The following GPR153 variants were observed in gnomAD, a reference collection of about 807,000 sequenced individuals.
The protein encoded by GPR153 is probable G protein-coupled receptor 153.
GPR153 carries 27 observed loss-of-function variants against 34.1 expected under a neutral mutation model. The ratio of observed to expected loss-of-function variants is 0.79; its 90% CI spans 0.58 to 1.09. The LOEUF is 1.09. Ranked by LOEUF, GPR153 falls within the 50% of genes least tolerant of loss-of-function variation. GPR153 has a pLI of 0.00. For missense variants in GPR153, 848 were observed against 860.2 expected (o/e 0.99, Z 0.18); for synonymous variants, 408 against 405.4 (o/e 1.01, Z -0.08).
In GPR153 at chr1:6,249,345, G is replaced by A. The variant is rs1260653216; in HGVS notation, c.1823C>T (p.Ala608Val). ...ATLHSDSLGS[A>V]S ...GGGGAGGCGCCGGCGGTCCTAGGAC[G>A]CGGAGCCCAGCGAGTCCGAGTGCAG... Residue 608 changes from alanine to valine, a missense_variant, in exon 6 of 6, where the codon GCG becomes GTG. Physicochemically the swap from Ala to Val is moderately conservative, Grantham distance 64 (BLOSUM62 0). Transcript: ENST00000377893. The surrounding 1 kb of genome is among the most constrained non-coding windows in gnomAD (Gnocchi z 4.3). The A allele has an allele frequency of 3.8e-6, 5 of 1,305,812 alleles. No homozygotes were observed. The highest frequency in any genetic ancestry group is 4.9e-6 in the Non-Finnish European group (5 of 1,028,984). 80.9% of individuals were successfully genotyped at this position (1,305,812 alleles called of 1,614,324 possible). A position where few individuals can be genotyped will look rare whatever the true frequency, so the allele number is the denominator to read the frequency against.
chr1:6,254,689 G>A lies in GPR153; in HGVS notation c.217C>T (p.Arg73Cys), dbSNP rs776061422. Reference protein sequence around the residue: ...TYSVVQLRRQRPDFEWNEGLC... With the variant: ...TYSVVQLRRQCPDFEWNEGLC... ...CCCTCATTCCACTCGAAGTCGGGGC[G>A]CTGCCGCCGCAGCTGCACCACGGAG... Residue 73 changes from arginine to cysteine, a missense_variant, in exon 2 of 6, where the codon CGC becomes TGC. Arg to Cys is a radical substitution (Grantham distance 180, BLOSUM62 -3). Transcript: ENST00000377893. 14 of 1,613,702 alleles carry A rather than the reference G, an allele frequency of 8.7e-6. No individual in the cohort carries two copies. Among genetic ancestry groups the A allele is most frequent in the East Asian group, 4.5e-5 (2 of 44,894 alleles).
At position 6,250,527 on chromosome 1, in the gene GPR153, G is replaced by A; in HGVS notation, c.1077C>T (p.Ala359=). 3 of 1,608,486 alleles carry A rather than the reference G, an allele frequency of 1.9e-6. No homozygotes were observed. Among genetic ancestry groups the A allele is most frequent in the Non-Finnish European group, 2.5e-6 (3 of 1,177,842 alleles). Residue 359 remains alanine, a synonymous_variant, in exon 5 of 6, where the codon GCC becomes GCT. Transcript: ENST00000377893. Reference sequence around the variant, plus strand: ...CCTCCAGGGCGGAGATCTCATACTTGGCCATCCTATCTAGGGCCACAAAAT... The same window carrying A: ...CCTCCAGGGCGGAGATCTCATACTTAGCCATCCTATCTAGGGCCACAAAAT... ...GGDFVALDRM[A]KYEISALEGG...
chr1:6,251,801 T>C lies in GPR153; in HGVS notation c.787-271A>G, dbSNP rs1372985159. ...AAGTGGGGCATGGATTACCACCTCC[T>C]CCCCGCTTTGTTTTGAGACAGTCTC... is the stretch of plus-strand genomic sequence containing the variant. On this transcript the variant is annotated intron_variant, in intron 3 of 5. Transcript: ENST00000377893. This position sits in a 1 kb window ranked among gnomAD's most constrained non-coding sequence, Gnocchi z 4.9. 6.6e-6 allele frequency among the ~76,000 whole-genome samples: 1 copy of C among 152,164 alleles called. No homozygotes were observed. The highest frequency in any genetic ancestry group is 6.5e-5 in the Admixed American group (1 of 15,282).
intron 1 of GPR153, among the ~76,000 whole-genome samples, chr1:6,255,378 T>C (rs563711257): frequency 6.6e-6 from 1 of 152,138 alleles, no homozygotes; most frequent in East Asian, 1.9e-4. Context: ...TTTGTATTTT[T>C]AGTAGAGACG....
At position 6,248,129 on chromosome 1, in the gene GPR153, A is replaced by G. The variant is rs1062750; in HGVS notation, c.*1209T>C. On this transcript the variant is annotated 3_prime_UTR_variant, in exon 6 of 6. Coordinates refer to ENST00000377893, the MANE Select transcript of GPR153 (RefSeq NM_207370.4). ...TCATCTACCCTATTTCACTAGCTCA[A>G]GGTTATAGCTGTTCCTGGTTCTCCT... 6.7e-3 allele frequency: 1,025 copies of G among 152,408 alleles called. 13 individuals carry two copies. Among genetic ancestry groups the G allele is most frequent in the Non-Finnish European group, 9.0e-3 (613 of 68,116 alleles). 9.4% of individuals were successfully genotyped at this position (152,408 alleles called of 1,614,324 possible).
intron 2 of GPR153, 63 bp from the exon 3 acceptor site, chr1:6,254,210 T>C: frequency 6.6e-7 from 1 of 1,506,858 alleles, no homozygotes; most frequent in Middle Eastern, 1.8e-4. Context: ...CCCAGGCCTC[T>C]GGGGACCTGT....
chr1:6,249,733 GCGAGTCGCGGGCTCCCCGCGGGC>G lies in GPR153; in HGVS notation c.1412_1434del (p.Gly471AlafsTer227). The G allele has an allele frequency of 9.4e-7, 1 of 1,059,734 alleles. No individual in the cohort carries two copies. Among genetic ancestry groups the G allele is most frequent in the Non-Finnish European group, 1.1e-6 (1 of 880,352 alleles). The allele number at this position is 1,059,734 out of a possible 1,614,324, so 65.6% of individuals were successfully genotyped here. On this transcript the variant is annotated frameshift_variant, in exon 6 of 6. Coordinates refer to ENST00000377893, the MANE Select transcript of GPR153 (RefSeq NM_207370.4). LOFTEE classifies it low-confidence loss of function (END_TRUNC). The surrounding 1 kb of genome is among the most constrained non-coding windows in gnomAD (Gnocchi z 4.3). ...GGGCGGCGGCGCGGGCTGCCGGGGGGCGAGTCGCGGGCTCCCCGCGGGCCGCTATCCAGGGCCGAGGGCCGCAG... is the reference window on the plus strand; with the variant it reads ...GGGCGGCGGCGCGGGCTGCCGGGGGGCGCTATCCAGGGCCGAGGGCCGCAG...
At chr1:6,254,464 T>A in intron 2 of GPR153, 86 bp downstream of exon 2, 6 of 1,218,876 alleles carry the variant, frequency 4.9e-6, no homozygotes, top group Non-Finnish European at 6.9e-6. Flanking sequence ...GTGTGGCCAC[T>A]CCTGTGTGCG....
rs570043772 is a variant in GPR153 at position 6,249,289 on chromosome 1, C to G, written c.*49G>C. ...GCGGGCGTCTTTGGTGCTGCGGCCC[C>G]GGAGAGCGGCCTGGCCTGCCTGGCG... On this transcript the variant is annotated 3_prime_UTR_variant, in exon 6 of 6. Transcript: ENST00000377893. This position sits in a 1 kb window ranked among gnomAD's most constrained non-coding sequence, Gnocchi z 4.3. 111 of 1,218,460 alleles carry G rather than the reference C, an allele frequency of 9.1e-5. No individual in the cohort carries two copies. The highest frequency in any genetic ancestry group is 1.1e-4 in the Non-Finnish European group (103 of 972,350). The allele number at this position is 1,218,460 out of a possible 1,614,324, so 75.5% of individuals were successfully genotyped here.
At position 6,260,953 on chromosome 1, in the gene GPR153, G is replaced by T. The variant is rs1236609268; in HGVS notation, c.-238C>A. The T allele has an allele frequency of 6.8e-6, 1 of 146,176 alleles. No individual in the cohort carries two copies. Among genetic ancestry groups the T allele is most frequent in the Non-Finnish European group, 1.5e-5 (1 of 65,836 alleles). 9.1% of individuals were successfully genotyped at this position (146,176 alleles called of 1,614,324 possible). A position where few individuals can be genotyped will look rare whatever the true frequency, so the allele number is the denominator to read the frequency against. On this transcript the variant is annotated 5_prime_UTR_variant, in exon 1 of 6. Transcript: ENST00000377893. ...GGTGGCTGGCGGCGGAGCGGCCCGC[G>T]GGCCGGGGCATGCTGGCGGCGGCCA...
chr1:6,260,383 C>T (rs1557617702), intron 1 of GPR153, among the ~76,000 whole-genome samples: 3 of 58,422 alleles, frequency 5.1e-5, no homozygotes, highest in African/African-American at 1.5e-4. Flanking sequence ...CGATCCCCCC[C>T]CCCCCCCGCA....
chr1:6,253,660 A>G, intron 3 of GPR153, 58 bp downstream of exon 3: 2 of 1,436,502 alleles, frequency 1.4e-6, no homozygotes, highest in Non-Finnish European at 9.4e-7. Context: ...TGCCTGGAGT[A>G]TGAGCAGCCC....
At chr1:6,253,337 A>G (rs1327685996) in intron 3 of GPR153, among the ~76,000 whole-genome samples, 2 of 152,262 alleles carry the variant, frequency 1.3e-5, no homozygotes, top group Non-Finnish European at 2.9e-5. Context: ...CAGAGGTTGC[A>G]GTGAGCTGAG....
intron 2 of GPR153, 129 bp downstream of exon 2, chr1:6,254,421 C>T: frequency 1.1e-6 from 1 of 915,630 alleles, no homozygotes; most frequent in African/African-American, 1.7e-5. Context: ...AGCAGCCCCT[C>T]CTGAGCCTGC....
chr1:6,255,647 T>G (rs1341467975), intron 1 of GPR153, among the ~76,000 whole-genome samples: 2 of 119,072 alleles, frequency 1.7e-5, no homozygotes, highest in South Asian at 2.9e-4. Flanking sequence ...GCTACGTTTT[T>G]TTTTTTTTTT....
chr1:6,255,642 G>GTTTTTTTTTTTTTTTT (rs59403526), intron 1 of GPR153, among the ~76,000 whole-genome samples: 1 of 38,840 alleles, frequency 2.6e-5, no homozygotes, highest in African/African-American at 9.6e-5. Context: ...GCCTGGCTAC[G>GTTTTTTTTTTTTTTTT]TTTTTTTTTT....
At position 6,251,339 on chromosome 1, in the gene GPR153, A is replaced by C. The variant is rs772344924; in HGVS notation, c.978T>G (p.Asp326Glu). The C allele has an allele frequency of 6.2e-7, 1 of 1,601,236 alleles. No individual in the cohort carries two copies. Among genetic ancestry groups the C allele is most frequent in the East Asian group, 2.2e-5 (1 of 44,670 alleles). ...ALMANDEESDDETSLEGGISP... is the reference protein window; with the variant it reads ...ALMANDEESDEETSLEGGISP... ...GGGCCACTCTCAGGCCATCCTCACC[A>C]TCGTCTGACTCCTCGTCGTTGGCCA... Residue 326 changes from aspartate to glutamate, a missense_variant and splice_region_variant, in exon 4 of 6, where the codon GAT becomes GAG. Transcript: ENST00000377893. The surrounding 1 kb of genome is among the most constrained non-coding windows in gnomAD (Gnocchi z 4.9).
At chr1:6,257,977 G>A (rs1179685562) in intron 1 of GPR153, among the ~76,000 whole-genome samples, 3 of 152,186 alleles carry the variant, frequency 2.0e-5, no homozygotes, top group Non-Finnish European at 4.4e-5. Context: ...CGGTCCTTAT[G>A]GGCATCTATA....
intron 3 of GPR153, among the ~76,000 whole-genome samples, chr1:6,252,301 C>T (rs1407386686): frequency 1.3e-5 from 2 of 152,176 alleles, no homozygotes; most frequent in Admixed American, 6.5e-5. Flanking sequence ...AGGGTGAAGA[C>T]TCCGGACGCT....
Sources: allele counts gnomAD v4.1 joint callset (sites outside exome capture counted in the v4.1 genomes callset), GRCh38; gene constraint gnomAD v4.1.1; non-coding constraint Gnocchi (gnomAD v3.1); transcripts MANE v1.5; gene names NCBI Gene and HGNC (gene_info 2026-07-23, HGNC 2026-07-21).